Variants in ZNF236 observed in about 807,000 individuals in gnomAD.
ZNF236 encodes zinc finger protein 236.
A neutral mutation model predicts 191.2 loss-of-function variants in ZNF236; 50 were observed. The observed-to-expected ratio is 0.26, with a 90% confidence interval of 0.21 to 0.33. The LOEUF (loss-of-function observed/expected upper bound fraction) is 0.33. ZNF236 is among the 10% of genes least tolerant of loss of function. ZNF236 has a pLI of 1.00. For missense variants in ZNF236, 1,754 were observed against 2,374.5 expected, an observed-to-expected ratio of 0.74 and a Z score of 5.43; for synonymous variants, 907 against 928.8, an observed-to-expected ratio of 0.98 and a Z score of 0.43.
At chr18:76,828,622 C>G (rs1975079099) in intron 1 of ZNF236, among the ~76,000 whole-genome samples, 1 of 152,220 alleles carries the variant, frequency 6.6e-6, no homozygotes, top group Admixed American at 6.5e-5. Flanking sequence ...ATGAAACCCT[C>G]CACTCTCCAT....
At chr18:76,893,653 A>G (rs1977314007) in intron 9 of ZNF236, among the ~76,000 whole-genome samples, 2 of 152,198 alleles carry the variant, frequency 1.3e-5, no homozygotes, top group Admixed American at 6.5e-5. Context: ...AACCACAGGC[A>G]TGCACCACCG....
At position 76,927,442 on chromosome 18, in the gene ZNF236, C is replaced by T; in HGVS notation, c.4339C>T (p.Pro1447Ser). The change falls in exon 24 of 31, where the codon CCC becomes TCC. Residue 1447 changes from proline (P) to serine (S), a missense_variant. By Grantham distance (74) the Pro-to-Ser change is moderately conservative. Coordinates refer to ENST00000320610, the MANE Select transcript of ZNF236 (RefSeq NM_001306089.2). The surrounding 1 kb of genome is among the most constrained non-coding windows in gnomAD (Gnocchi z 5.4). Reference sequence around the variant, plus strand: ...GCCCATCTCAGGCCTGTCCTTACAGCCCACAGTGACCTCTGCGAACCTGAC... The same window carrying T: ...GCCCATCTCAGGCCTGTCCTTACAGTCCACAGTGACCTCTGCGAACCTGAC... Reference protein sequence around the residue: ...IQPISGLSLQPTVTSANLTIG... With the variant: ...IQPISGLSLQSTVTSANLTIG... 1 of 1,614,210 alleles carries T rather than the reference C, an allele frequency of 6.2e-7. No individual in the cohort carries two copies. Among genetic ancestry groups the T allele is most frequent in the South Asian group, 1.1e-5 (1 of 91,088 alleles).
intron 2 of ZNF236, among the ~76,000 whole-genome samples, chr18:76,851,547 A>G (rs1258662019): frequency 6.6e-6 from 1 of 152,196 alleles, no homozygotes; most frequent in Non-Finnish European, 1.5e-5. Context: ...TATTAGAAAT[A>G]TTTCTTTTGT....
intron 13 of ZNF236, 97 bp downstream of exon 13, chr18:76,905,512 T>G: frequency 8.1e-7 from 1 of 1,237,404 alleles, no homozygotes; most frequent in East Asian, 2.5e-5. Context: ...GATTCTTACA[T>G]TATTATTTCT....
intron 11 of ZNF236, among the ~76,000 whole-genome samples, chr18:76,902,262 C>G (rs1053576345): frequency 6.6e-6 from 1 of 152,188 alleles, no homozygotes; most frequent in Admixed American, 6.5e-5. Context: ...CTCTCAGACT[C>G]TGGGCTCCTT....
intron 1 of ZNF236, among the ~76,000 whole-genome samples, chr18:76,843,344 A>T (rs75379772): frequency 0.028 from 4,308 of 152,256 alleles, 95 homozygotes; most frequent in East Asian, 0.096. Context: ...ATTACATGCC[A>T]GGCTTTGTGA....
chr18:76,841,261 C>T (rs1278460149), intron 1 of ZNF236, among the ~76,000 whole-genome samples: 1 of 151,824 alleles, frequency 6.6e-6, no homozygotes, highest in African/African-American at 2.4e-5. Flanking sequence ...TTAGTAGAGA[C>T]AAGGTTTCAC....
intron 22 of ZNF236, among the ~76,000 whole-genome samples, chr18:76,926,709 G>A (rs200989164): frequency 2.2e-3 from 42 of 18,802 alleles, no homozygotes; most frequent in Admixed American, 3.4e-3. Flanking sequence ...TGTGTGTATG[G>A]TATAAAGGGT....
rs1389936813 is a variant in ZNF236, at chr18:76,972,782, CTATT to C, written c.*4447_*4450del. On this transcript the variant is annotated 3_prime_UTR_variant, in exon 31 of 31. Transcript: ENST00000320610. ...TTTATCTTCACAATTGTTTCATGATCTATTTATACATTGGATGATATTTATTTAA... is the reference window on the plus strand; with the variant it reads ...TTTATCTTCACAATTGTTTCATGATCTATACATTGGATGATATTTATTTAA... Among the ~76,000 whole-genome samples the C allele has an allele frequency of 1.3e-5, 2 of 152,020 alleles. No individual in the cohort carries two copies. The highest frequency in any genetic ancestry group is 6.6e-5 in the Admixed American group (1 of 15,254).
In ZNF236 at chr18:76,959,689, G is replaced by A. The variant is rs756751993; in HGVS notation, c.5115G>A (p.Glu1705=). ...KAFKRATHLK[E]HMQTHQAGPS... ...GGTTTCTGTGTGTTGTCTCCCAGGAGCACATGCAGACACACCAGGCCGGCC... is the reference window on the plus strand; with the variant it reads ...GGTTTCTGTGTGTTGTCTCCCAGGAACACATGCAGACACACCAGGCCGGCC... The change falls in exon 29 of 31, where the codon GAG becomes GAA. Residue 1705 remains glutamate, a splice_region_variant and synonymous_variant. Transcript: ENST00000320610. 6 of 1,606,068 alleles carry A rather than the reference G, an allele frequency of 3.7e-6. No homozygotes were observed. Among genetic ancestry groups the A allele is most frequent in the Non-Finnish European group, 4.3e-6 (5 of 1,175,760 alleles).
chr18:76,848,655 A>C (rs1975771793), intron 1 of ZNF236, among the ~76,000 whole-genome samples: 1 of 152,158 alleles, frequency 6.6e-6, no homozygotes, highest in Non-Finnish European at 1.5e-5. Context: ...CCATGTCTAT[A>C]TATGAGAGAG....
intron 10 of ZNF236, 138 bp downstream of exon 10, chr18:76,895,423 C>G: frequency 8.4e-7 from 1 of 1,196,346 alleles, no homozygotes; most frequent in Non-Finnish European, 1.2e-6. Flanking sequence ...AGGGACTGCA[C>G]AAAGTATCAC....
intron 10 of ZNF236, among the ~76,000 whole-genome samples, chr18:76,897,557 C>T (rs1247708083): frequency 6.7e-6 from 1 of 148,156 alleles, no homozygotes; most frequent in Non-Finnish European, 1.5e-5. Flanking sequence ...ACCAGTGCTG[C>T]CCACAGGTAC....
intron 5 of ZNF236, among the ~76,000 whole-genome samples, chr18:76,874,948 T>C (rs139002246): frequency 6.6e-6 from 1 of 152,316 alleles, no homozygotes; most frequent in Non-Finnish European, 1.5e-5. Flanking sequence ...TTGGAAGCCA[T>C]TGAGGGTTTT....
Position 76,878,136 on chromosome 18 carries a change from C to G in ZNF236, c.968C>G (p.Thr323Ser). The part of the protein sequence containing the change: ...GPQNSTSSTE[T>S]AHVLTATLFQ... ...CAGAATTCAACAAGTTCTACAGAGACTGCTCATGTTTTAACGGTAAGTTTA... is the reference window on the plus strand; with the variant it reads ...CAGAATTCAACAAGTTCTACAGAGAGTGCTCATGTTTTAACGGTAAGTTTA... The change falls in exon 7 of 31, where the codon ACT (threonine) becomes AGT (serine). Residue 323 changes from threonine (T) to serine (S), a missense_variant. Transcript: ENST00000320610. The G allele has an allele frequency of 6.2e-7, 1 of 1,608,602 alleles. No individual in the cohort carries two copies. Among genetic ancestry groups the G allele is most frequent in the Non-Finnish European group, 8.5e-7 (1 of 1,177,446 alleles).
intron 1 of ZNF236, among the ~76,000 whole-genome samples, chr18:76,842,438 CT>C (rs34838341): frequency 1.4e-3 from 193 of 141,490 alleles, no homozygotes; most frequent in Non-Finnish European, 1.5e-3. Flanking sequence ...CCCCCCTCAA[CT>C]TTTTTTTTTT....
chr18:76,895,350 A>G (rs1287811712), intron 10 of ZNF236, 65 bp downstream of exon 10: 9 of 1,576,222 alleles, frequency 5.7e-6, no homozygotes, highest in South Asian at 5.6e-5. Context: ...TACTGCGCAC[A>G]TATACCAAAC....
Position 76,903,583 on chromosome 18 carries a change from A to G in ZNF236, c.1895-797A>G, listed in dbSNP as rs114193416. Among the ~76,000 whole-genome samples the G allele has an allele frequency of 6.5e-3, 997 of 152,308 alleles. 8 individuals are homozygous for G. Among genetic ancestry groups the G allele is most frequent in the African/African-American group, 0.023 (959 of 41,568 alleles). ...TGGGCAGAGGACAAAATCTTGGCCA[A>G]TGCCTCCTTGTCTTGGCAGGAGGAG... On this transcript the variant is annotated intron_variant, in intron 11 of 30. Transcript: ENST00000320610.
chr18:76,840,438 G>A (rs1255877297), intron 1 of ZNF236, among the ~76,000 whole-genome samples: 1 of 151,890 alleles, frequency 6.6e-6, no homozygotes, highest in Admixed American at 6.6e-5. Context: ...AGGTTGCAGT[G>A]AGCTGAGATT....
Sources: gnomAD v4.1 joint callset for allele counts (sites outside exome capture counted in the v4.1 genomes callset) on GRCh38, gnomAD v4.1.1 for gene constraint, Gnocchi (gnomAD v3.1) non-coding constraint, MANE v1.5 for transcripts, NCBI Gene and HGNC (gene_info 2026-07-23, HGNC 2026-07-21) for gene names.